The following NPAS1 variants were observed in gnomAD, a reference collection of about 807,000 sequenced individuals.
NPAS1 encodes the protein neuronal PAS domain-containing protein 1.
Under a neutral mutation model 49.2 loss-of-function variants are expected in NPAS1, and 29 were observed. That is an observed-to-expected ratio of 0.59 (90% confidence interval 0.44 to 0.80). The LOEUF (loss-of-function observed/expected upper bound fraction) is 0.80, where lower values mean the gene tolerates loss of function less well. NPAS1 is among the 30% of genes least tolerant of loss of function. The pLI is 0.00. For missense variants in NPAS1, 825 were observed against 835.5 expected (o/e 0.99, Z 0.15); for synonymous variants, 408 against 380.4 (o/e 1.07, Z -0.84).
chr19:47,028,510 AC>A (rs2056887866), intron 3 of NPAS1, among the ~76,000 whole-genome samples: 1 of 152,044 alleles, frequency 6.6e-6, no homozygotes, highest in East Asian at 1.9e-4. Flanking sequence ...CACTATTAAT[AC>A]CAGTCCCGGC....
chr19:47,024,466 A>G (rs1207383539), intron 3 of NPAS1, among the ~76,000 whole-genome samples: 6 of 151,780 alleles, frequency 4.0e-5, no homozygotes, highest in Non-Finnish European at 8.8e-5. Flanking sequence ...TGCCTCGGCA[A>G]TATAGCGAGA....
intron 3 of NPAS1, among the ~76,000 whole-genome samples, chr19:47,028,882 C>T (rs961203200): frequency 3.3e-5 from 5 of 151,982 alleles, no homozygotes; most frequent in Admixed American, 1.3e-4. Flanking sequence ...GGACAGGCTC[C>T]GGGACCCCCA....
At chr19:47,022,985 C>T (rs951250437) in intron 3 of NPAS1, among the ~76,000 whole-genome samples, 7 of 152,206 alleles carry the variant, frequency 4.6e-5, no homozygotes, top group East Asian at 1.9e-4. Flanking sequence ...ACCCCTGTCC[C>T]CACCCCTCCA....
At chr19:47,040,414 A>AC (rs1248039749) in intron 8 of NPAS1, 30 bp from the exon 9 acceptor site, 1 of 1,493,594 alleles carries the variant, frequency 6.7e-7, no homozygotes, top group East Asian at 2.4e-5. Flanking sequence ...GTGGTCTTGG[A>AC]CTCCTCCCCT....
intron 6 of NPAS1, among the ~76,000 whole-genome samples, chr19:47,037,149 C>G (rs1369231757): frequency 6.7e-6 from 1 of 149,922 alleles, no homozygotes; most frequent in African/African-American, 2.5e-5. Context: ...GTCGGGAGTT[C>G]GAGACCAGCC....
intron 6 of NPAS1, among the ~76,000 whole-genome samples, chr19:47,037,467 C>T (rs909913536): frequency 2.6e-5 from 4 of 151,762 alleles, no homozygotes; most frequent in African/African-American, 7.3e-5. Context: ...AAGTTAATTG[C>T]CCCCAGGTCA....
chr19:47,030,402 T>C (rs1429335165), intron 3 of NPAS1, among the ~76,000 whole-genome samples: 1 of 152,170 alleles, frequency 6.6e-6, no homozygotes, highest in African/African-American at 2.4e-5. Context: ...ATTTTCCTAG[T>C]GACTAATGAT....
In NPAS1 at chr19:47,038,983, C is replaced by T. The variant is rs2056990006; in HGVS notation, c.689-53C>T. 3 of 1,506,392 alleles carry T rather than the reference C, an allele frequency of 2.0e-6. No individual in the cohort carries two copies. In the African/African-American group the frequency reaches 4.1e-5, roughly 21 times the overall value. The allele number at this position is 1,506,392 out of a possible 1,614,324, so 93.3% of individuals were successfully genotyped here. On this transcript the variant is annotated intron_variant, in intron 6 of 11. Coordinates refer to ENST00000602212, the MANE Select transcript of NPAS1 (RefSeq NM_002517.4). ...GCTGGCTCTGCAAGGGTCAGGGTGG[C>T]CTGTGTGTTTCCTCTTCAGGACCCC...
At position 47,035,837 on chromosome 19, in the gene NPAS1, T is replaced by C. The variant is rs979903506; in HGVS notation, c.523-127T>C. ...ATTGTTTTTTGTTTTTTTCTTTTCT[T>C]AAAAAAACACACTGGCATGAAGCGC... is the stretch of plus-strand genomic sequence containing the variant. On this transcript the variant is annotated intron_variant, in intron 5 of 11. Coordinates refer to ENST00000602212, the MANE Select transcript of NPAS1 (RefSeq NM_002517.4). 1.0e-5 allele frequency: 10 copies of C among 973,706 alleles called. No individual in the cohort carries two copies. The African/African-American group carries it at 1.3e-4, about 13-fold the overall frequency. 60.3% of individuals were successfully genotyped at this position (973,706 alleles called of 1,614,324 possible). A position where few individuals can be genotyped will look rare whatever the true frequency, so the allele number is the denominator to read the frequency against.
At chr19:47,042,972 C>A in intron 11 of NPAS1, 68 bp downstream of exon 11, 2 of 1,218,296 alleles carry the variant, frequency 1.6e-6, no homozygotes, top group Non-Finnish European at 1.1e-6. Flanking sequence ...GCTGTCCATT[C>A]CAGAAGCCAC....
At chr19:47,033,512 G>C (rs2056922818) in intron 5 of NPAS1, among the ~76,000 whole-genome samples, 1 of 152,116 alleles carries the variant, frequency 6.6e-6, no homozygotes, top group African/African-American at 2.4e-5. Context: ...AAAGTGCTGG[G>C]ATTACAGCGT....
At chr19:47,034,963 C>A (rs1414781375) in intron 5 of NPAS1, among the ~76,000 whole-genome samples, 1 of 151,960 alleles carries the variant, frequency 6.6e-6, no homozygotes, top group Non-Finnish European at 1.5e-5. Context: ...GGGCAGATCA[C>A]CTGAGGTCGG....
At chr19:47,040,740 G>GC (rs901810005) in intron 9 of NPAS1, 190 bp downstream of exon 9, 2 of 572,812 alleles carry the variant, frequency 3.5e-6, no homozygotes, top group Non-Finnish European at 6.1e-6. Flanking sequence ...TGTGTGTGTG[G>GC]GGGGGGGGTC....
chr19:47,021,120 C>T lies in NPAS1; in HGVS notation c.73C>T (p.Pro25Ser), dbSNP rs2056837141. The change falls in exon 2 of 12, where the codon CCC (proline) becomes TCC (serine). Residue 25 changes from proline (P) to serine (S), a missense_variant. Transcript: ENST00000602212. This position sits in a 1 kb window ranked among gnomAD's most constrained non-coding sequence, Gnocchi z 5.7. Reference protein sequence around the residue: ...KCVGGRGASVPWDFLPGLMVK... With the variant: ...KCVGGRGASVSWDFLPGLMVK... ...CGTGGGAGGCCGCGGCGCCAGCGTC[C>T]CCTGGGACTTTCTACCCGGGCTGAT... is the stretch of plus-strand genomic sequence containing the variant. The T allele has an allele frequency of 1.2e-6, 2 of 1,601,804 alleles. No individual in the cohort carries two copies. Among genetic ancestry groups the T allele is most frequent in the Non-Finnish European group, 8.5e-7 (1 of 1,174,956 alleles).
rs1295174396 is a variant in NPAS1 at position 47,041,358 on chromosome 19, G to GGCGGGGACAGTATCTTTGAGGAAT, written c.1217+235_1217+236insGGGGACAGTATCTTTGAGGAATGC. Among the ~76,000 whole-genome samples the GGCGGGGACAGTATCTTTGAGGAAT allele has an allele frequency of 2.0e-5, 3 of 152,246 alleles. No homozygotes were observed. In the East Asian group the frequency reaches 5.8e-4, roughly 29 times the overall value. On this transcript the variant is annotated intron_variant, in intron 10 of 11. Coordinates refer to ENST00000602212, the MANE Select transcript of NPAS1 (RefSeq NM_002517.4). Reference sequence around the variant, plus strand: ...GGAGGGGGACAGTATCTTTGAGGAAGGCAGGGGCAGGCTCACAGCCTCCTC... The same window carrying GGCGGGGACAGTATCTTTGAGGAAT: ...GGAGGGGGACAGTATCTTTGAGGAAGGCGGGGACAGTATCTTTGAGGAATGCAGGGGCAGGCTCACAGCCTCCTC...
At position 47,032,677 on chromosome 19, in the gene NPAS1, A is replaced by C. The variant is rs1487583989; in HGVS notation, c.467A>C (p.Glu156Ala). ...LDGFVFALNQ[E>A]GKFLYISETV... Reference sequence around the variant, plus strand: ...GGCTTTGTGTTCGCCTTGAACCAGGAAGGAAAATTCCTCTACATCTCAGAG... The same window carrying C: ...GGCTTTGTGTTCGCCTTGAACCAGGCAGGAAAATTCCTCTACATCTCAGAG... The change falls in exon 5 of 12, where the codon GAA becomes GCA. Residue 156 changes from glutamate (E) to alanine (A), a missense_variant. Physicochemically the swap from Glu to Ala is moderately radical, Grantham distance 107 (BLOSUM62 -1). Transcript: ENST00000602212. 6.2e-7 allele frequency: 1 copy of C among 1,614,112 alleles called. No homozygotes were observed. Among genetic ancestry groups the C allele is most frequent in the Non-Finnish European group, 8.5e-7 (1 of 1,179,990 alleles).
Position 47,032,354 on chromosome 19 carries a change from G to T in NPAS1, c.432+3G>T, listed in dbSNP as rs2056912228. 2 of 1,613,890 alleles carry T rather than the reference G, an allele frequency of 1.2e-6. No homozygotes were observed. Among genetic ancestry groups the T allele is most frequent in the South Asian group, 2.2e-5 (2 of 91,070 alleles). On this transcript the variant is annotated splice_donor_region_variant and intron_variant, in intron 4 of 11. Coordinates refer to ENST00000602212, the MANE Select transcript of NPAS1 (RefSeq NM_002517.4). ...ACCTGGGAGGTCACATCTTGCAGGT[G>T]AGTGAGGCCCCTTCCCTGCCTGCCG...
intron 7 of NPAS1, 100 bp downstream of exon 7, chr19:47,039,251 G>A (rs780526370): frequency 2.8e-4 from 401 of 1,456,380 alleles, no homozygotes; most frequent in Non-Finnish European, 3.6e-4. Context: ...GCTGCAGGTG[G>A]CTTAGGGAAC....
At chr19:47,031,591 C>T (rs1351008819) in intron 3 of NPAS1, among the ~76,000 whole-genome samples, 3 of 146,780 alleles carry the variant, frequency 2.0e-5, no homozygotes, top group Non-Finnish European at 4.5e-5. Context: ...AGTGCAGTGG[C>T]ATGATCTCGG....
Sources: gnomAD v4.1 joint callset for allele counts (sites outside exome capture counted in the v4.1 genomes callset) on GRCh38, gnomAD v4.1.1 for gene constraint, Gnocchi (gnomAD v3.1) non-coding constraint, MANE v1.5 for transcripts, NCBI Gene and HGNC (gene_info 2026-07-23, HGNC 2026-07-21) for gene names.